PMFBP1: variants seen among roughly 807,000 people sequenced by gnomAD.
The protein encoded by PMFBP1 is polyamine modulated factor 1 binding protein 1, also known as polyamine-modulated factor 1-binding protein 1.
Under a neutral mutation model 137.8 loss-of-function variants are expected in PMFBP1, and 131 were observed. That is an observed-to-expected ratio of 0.95 (90% confidence interval 0.82 to 1.10). PMFBP1 has a LOEUF of 1.10. Among genes scored for constraint, PMFBP1 ranks in the 50% least tolerant of loss-of-function variants. The pLI is 0.00. For missense variants in PMFBP1, 1,199 were observed against 1,175.4 expected (o/e 1.02, Z -0.29); for synonymous variants, 490 against 450.4 (o/e 1.09, Z -1.11).
chr16:72,176,346 C>G (rs1351183836), upstream of PMFBP1, among the ~76,000 whole-genome samples: 2 of 152,206 alleles, frequency 1.3e-5, no homozygotes, highest in African/African-American at 4.8e-5. Context: ...TTCACAGAGG[C>G]TGTTTGTTGT....
chr16:72,191,177 C>A, the PMFBP1 span, among the ~76,000 whole-genome samples: 4 of 152,250 alleles, frequency 2.6e-5, no homozygotes, highest in Admixed American at 2.6e-4. Flanking sequence ...CCCCTATATT[C>A]CTGCTACTTT....
upstream of PMFBP1, among the ~76,000 whole-genome samples, chr16:72,174,799 GA>G (rs2043251753): frequency 6.6e-6 from 1 of 152,116 alleles, no homozygotes; most frequent in East Asian, 1.9e-4. Flanking sequence ...CAGCATGGGG[GA>G]AAACACCCCA....
chr16:72,139,982 T>C (rs1178544221), intron 6 of PMFBP1, among the ~76,000 whole-genome samples: 1 of 152,228 alleles, frequency 6.6e-6, no homozygotes, highest in Non-Finnish European at 1.5e-5. Context: ...ATTAGTATTA[T>C]CATTAGAGAT....
Position 72,136,743 on chromosome 16 carries a change from A to G in PMFBP1, c.995T>C (p.Leu332Pro), listed in dbSNP as rs2042638587. 1.9e-6 allele frequency: 3 copies of G among 1,614,166 alleles called. No homozygotes were observed. The South Asian group carries it at 3.3e-5, about 18-fold the overall frequency. ...CGACACGGCCTCTAGTTCCACGCGC[A>G]GATCCTTCACCAGGTTCTGGTACTC... ...VEEYQNLVKD[L>P]RVELEAVSEQ... The change falls in exon 8 of 21, where the codon CTG (leucine) becomes CCG (proline). Residue 332 changes from leucine (L) to proline (P), a missense_variant. Physicochemically the swap from Leu to Pro is moderately conservative, Grantham distance 98. Coordinates refer to ENST00000237353, the MANE Select transcript of PMFBP1 (RefSeq NM_031293.3).
At chr16:72,198,574 T>C in the PMFBP1 span, among the ~76,000 whole-genome samples, 1 of 152,186 alleles carries the variant, frequency 6.6e-6, no homozygotes, top group Non-Finnish European at 1.5e-5. Context: ...TGTCTGCTAA[T>C]GCAAGGAACA....
In PMFBP1 at chr16:72,119,948, C is replaced by G; in HGVS notation, c.2910G>C (p.Arg970Ser). The change falls in exon 20 of 21, where the codon AGG becomes AGC. Residue 970 changes from arginine to serine, a missense_variant. Arg to Ser is a moderately radical substitution (Grantham distance 110). Transcript: ENST00000237353. The stretch of plus-strand genomic sequence containing the variant: ...AGCCCAAGGTGCCGCACACTTTCTC[C>G]CTCTGTGTGGACTCCGTTCTGCTCG... ...LGPSRTESTQ[R>S]EKVCGTLGWK... is the part of the protein sequence containing the mutation. The G allele has an allele frequency of 6.2e-7, 1 of 1,614,216 alleles. No individual in the cohort carries two copies. Among genetic ancestry groups the G allele is most frequent in the Non-Finnish European group, 8.5e-7 (1 of 1,180,042 alleles).
chr16:72,197,995 T>G, the PMFBP1 span, among the ~76,000 whole-genome samples: 1 of 152,328 alleles, frequency 6.6e-6, no homozygotes, highest in East Asian at 1.9e-4. Context: ...CCCTTCTTGT[T>G]GGCAGATGAA....
chr16:72,175,176 A>G (rs2043253855), upstream of PMFBP1, among the ~76,000 whole-genome samples: 1 of 152,146 alleles, frequency 6.6e-6, no homozygotes, highest in African/African-American at 2.4e-5. Context: ...TCGATCACTA[A>G]ACCTATCTGG....
the PMFBP1 span, among the ~76,000 whole-genome samples, chr16:72,230,896 G>A: frequency 1.3e-5 from 2 of 152,092 alleles, no homozygotes; most frequent in Admixed American, 6.6e-5. Flanking sequence ...AATCAATCTG[G>A]ATGAAAAAGA....
chr16:72,181,175 G>A (rs1055465403), upstream of PMFBP1, among the ~76,000 whole-genome samples: 1 of 151,544 alleles, frequency 6.6e-6, no homozygotes, highest in Non-Finnish European at 1.5e-5. Flanking sequence ...GGAGGCAGAG[G>A]CTGCAGTGAG....
At chr16:72,240,991 T>G in the PMFBP1 span, among the ~76,000 whole-genome samples, 1 of 151,012 alleles carries the variant, frequency 6.6e-6, no homozygotes. Flanking sequence ...TGGAGGGGGT[T>G]AAGGGGAGGA....
At chr16:72,224,686 C>T in the PMFBP1 span, 4 of 152,518 alleles carry the variant, frequency 2.6e-5, no homozygotes, top group Admixed American at 1.3e-4. Flanking sequence ...GCTTCTGTGA[C>T]CTTGCCTCGC....
the PMFBP1 span, among the ~76,000 whole-genome samples, chr16:72,196,840 G>C: frequency 6.6e-6 from 1 of 152,210 alleles, no homozygotes; most frequent in Non-Finnish European, 1.5e-5. Flanking sequence ...CTTATAGAGA[G>C]ACATTAGGAG....
At chr16:72,136,667 T>G in intron 8 of PMFBP1, 26 bp downstream of exon 8, 1 of 1,614,140 alleles carries the variant, frequency 6.2e-7, no homozygotes, top group Non-Finnish European at 8.5e-7. Flanking sequence ...CTGGCTCCCC[T>G]GCCACAGCCT....
At chr16:72,158,800 C>G (rs1043188244) in intron 3 of PMFBP1, among the ~76,000 whole-genome samples, 1 of 152,030 alleles carries the variant, frequency 6.6e-6, no homozygotes, top group African/African-American at 2.4e-5. Context: ...TCAAGACCAG[C>G]CTGGGCAAGA....
At chr16:72,164,284 G>A in intron 3 of PMFBP1, 1 of 673,310 alleles carries the variant, frequency 1.5e-6, no homozygotes, top group South Asian at 1.5e-5. Context: ...CTATGATCAG[G>A]TTCCTGCATC....
chr16:72,249,941 A>G, the PMFBP1 span, among the ~76,000 whole-genome samples: 11 of 150,852 alleles, frequency 7.3e-5, no homozygotes, highest in Non-Finnish European at 1.3e-4. Flanking sequence ...AAAAAAAAAA[A>G]AAAGAAAGAA....
chr16:72,151,170 G>T (rs554577897), intron 4 of PMFBP1, among the ~76,000 whole-genome samples: 1 of 152,160 alleles, frequency 6.6e-6, no homozygotes, highest in Admixed American at 6.5e-5. Flanking sequence ...TGAAATGCTG[G>T]TATTTTTTCC....
the PMFBP1 span, among the ~76,000 whole-genome samples, chr16:72,242,103 G>A: frequency 1.3e-5 from 2 of 152,048 alleles, no homozygotes; most frequent in African/African-American, 4.8e-5. Context: ...CTGACACCGT[G>A]ATATAGTGCA....
Sources: allele counts gnomAD v4.1 joint callset (sites outside exome capture counted in the v4.1 genomes callset), GRCh38; gene constraint gnomAD v4.1.1; transcripts MANE v1.5; gene names NCBI Gene and HGNC (gene_info 2026-07-23, HGNC 2026-07-21).